Variants in PTAR1 observed in about 807,000 individuals in gnomAD.
PTAR1 encodes protein prenyltransferase alpha subunit repeat containing 1, also known as protein prenyltransferase alpha subunit repeat-containing protein 1.
A neutral mutation model predicts 45.5 loss-of-function variants in PTAR1; 17 were observed. The ratio of observed to expected loss-of-function variants is 0.37; its 90% CI spans 0.26 to 0.56. The LOEUF (loss-of-function observed/expected upper bound fraction) is 0.56. Among genes scored for constraint, PTAR1 ranks in the 20% least tolerant of loss-of-function variants. PTAR1 has a pLI of 0.77. For synonymous variants in PTAR1, 169 were observed against 171.3 expected, an observed-to-expected ratio of 0.99 and a Z score of 0.11; for missense variants, 391 against 476.3, an observed-to-expected ratio of 0.82 and a Z score of 1.67.
At position 69,711,331 on chromosome 9, in the gene PTAR1, A is replaced by T. The variant is rs1824515300; in HGVS notation, c.*7011T>A. ...ATTTGTACTATACACTCTGTTCCTCACAGTTCAGGTAGGAATGTTTATTTG... is the reference window on the plus strand; with the variant it reads ...ATTTGTACTATACACTCTGTTCCTCTCAGTTCAGGTAGGAATGTTTATTTG... On this transcript the variant is annotated 3_prime_UTR_variant, in exon 8 of 8. Coordinates refer to ENST00000340434, the MANE Select transcript of PTAR1 (RefSeq NM_001099666.2). The T allele has an allele frequency of 6.6e-6, 1 of 152,192 alleles. No individual in the cohort carries two copies. The highest frequency in any genetic ancestry group is 6.5e-5 in the Admixed American group (1 of 15,278). 9.4% of individuals were successfully genotyped at this position (152,192 alleles called of 1,614,324 possible). A position where few individuals can be genotyped will look rare whatever the true frequency, so the allele number is the denominator to read the frequency against.
chr9:69,752,773 A>C (rs1391853215), intron 1 of PTAR1, among the ~76,000 whole-genome samples: 1 of 152,080 alleles, frequency 6.6e-6, no homozygotes. Context: ...GACAAAGCTG[A>C]AAGAGCACCT....
intron 2 of PTAR1, among the ~76,000 whole-genome samples, chr9:69,745,210 A>G (rs1564143345): frequency 6.6e-6 from 1 of 152,224 alleles, no homozygotes; most frequent in African/African-American, 2.4e-5. Flanking sequence ...TTCCTTTAGT[A>G]AAACTGTCTA....
rs199749905 is a variant in PTAR1 at position 69,741,938 on chromosome 9, TTCTC to T, written c.257-84_257-81del. The T allele has an allele frequency of 4.4e-3, 3,767 of 852,728 alleles. 99 individuals carry two copies. The African/African-American group carries it at 0.055, about 12-fold the overall frequency. The allele number at this position is 852,728 out of a possible 1,614,324, so 52.8% of individuals were successfully genotyped here. On this transcript the variant is annotated intron_variant, in intron 2 of 7. Coordinates refer to ENST00000340434, the MANE Select transcript of PTAR1 (RefSeq NM_001099666.2). ...GCTTCTCATTCTTTTAAGGTTCTCT[TTCTC>T]TCTATCACATTATACTAATATATCT... is the stretch of plus-strand genomic sequence containing the variant.
At position 69,734,683 on chromosome 9, in the gene PTAR1, A is replaced by G. The variant is rs559586966; in HGVS notation, c.324-429T>C. On this transcript the variant is annotated intron_variant, in intron 3 of 7. Coordinates refer to ENST00000340434, the MANE Select transcript of PTAR1 (RefSeq NM_001099666.2). ...AGGACTTGACATGGTCTATTTCATT[A>G]CAAAACCACACATACAACAAACACA... Among the ~76,000 whole-genome samples the G allele has an allele frequency of 1.2e-4, 18 of 152,312 alleles. No individual in the cohort carries two copies. The South Asian group carries it at 3.7e-3, about 32-fold the overall frequency.
At chr9:69,743,941 GA>G (rs1278500111) in intron 2 of PTAR1, among the ~76,000 whole-genome samples, 1 of 152,128 alleles carries the variant, frequency 6.6e-6, no homozygotes, top group Admixed American at 6.5e-5. Context: ...ATTCTTAGTG[GA>G]ATTATACATG....
chr9:69,759,761 T>A, intron 1 of PTAR1, 92 bp downstream of exon 1: 4 of 1,300,296 alleles, frequency 3.1e-6, no homozygotes, highest in East Asian at 3.1e-5. Flanking sequence ...CAGGACCCGC[T>A]GTCCGCCCGC....
rs1194793446 is a variant in PTAR1, at chr9:69,715,643, T to C, written c.*2699A>G. On this transcript the variant is annotated 3_prime_UTR_variant, in exon 8 of 8. Coordinates refer to ENST00000340434, the MANE Select transcript of PTAR1 (RefSeq NM_001099666.2). ...TCTTTTCCTTTTAACAATTAGATTG[T>C]TATAGAAAAATAAGTGAAGACTAAA... 6.6e-6 allele frequency: 1 copy of C among 152,058 alleles called. No homozygotes were observed. The highest frequency in any genetic ancestry group is 1.5e-5 in the Non-Finnish European group (1 of 67,976). The allele number at this position is 152,058 out of a possible 1,614,324, so 9.4% of individuals were successfully genotyped here. A position where few individuals can be genotyped will look rare whatever the true frequency, so the allele number is the denominator to read the frequency against.
chr9:69,752,119 A>G (rs1460391880), intron 1 of PTAR1, among the ~76,000 whole-genome samples: 2 of 152,124 alleles, frequency 1.3e-5, no homozygotes, highest in African/African-American at 4.8e-5. Flanking sequence ...GAGTGTCTAT[A>G]TAGATATTTT....
chr9:69,721,796 T>G (rs1224874068), intron 6 of PTAR1, among the ~76,000 whole-genome samples: 1 of 152,182 alleles, frequency 6.6e-6, no homozygotes, highest in East Asian at 1.9e-4. Context: ...CAACCTAGTA[T>G]TTTAATTAAG....
At chr9:69,730,567 T>C (rs535038865) in intron 5 of PTAR1, among the ~76,000 whole-genome samples, 37 of 149,952 alleles carry the variant, frequency 2.5e-4, no homozygotes, top group African/African-American at 8.9e-4. Context: ...AAACAACTTG[T>C]AATCATGCCT....
chr9:69,728,288 A>G (rs925936030), intron 5 of PTAR1, among the ~76,000 whole-genome samples: 3 of 152,164 alleles, frequency 2.0e-5, no homozygotes, highest in African/African-American at 7.2e-5. Flanking sequence ...TCTTGGGTAT[A>G]TACCTAGGAG....
rs1235097299 is a variant in PTAR1, at chr9:69,714,886, A to G, written c.*3456T>C. 6.6e-6 allele frequency: 1 copy of G among 152,134 alleles called. No homozygotes were observed. The highest frequency in any genetic ancestry group is 1.5e-5 in the Non-Finnish European group (1 of 68,000). The allele number at this position is 152,134 out of a possible 1,614,324, so 9.4% of individuals were successfully genotyped here. A position where few individuals can be genotyped will look rare whatever the true frequency, so the allele number is the denominator to read the frequency against. On this transcript the variant is annotated 3_prime_UTR_variant, in exon 8 of 8. Coordinates refer to ENST00000340434, the MANE Select transcript of PTAR1 (RefSeq NM_001099666.2). The stretch of plus-strand genomic sequence containing the variant: ...CCTAAGCTTAAAAAATGACTCATAC[A>G]GATTTAAGAAATATCTGAAAGAGTC...
chr9:69,739,552 G>A (rs953983619), intron 3 of PTAR1, among the ~76,000 whole-genome samples: 4 of 151,992 alleles, frequency 2.6e-5, no homozygotes, highest in African/African-American at 4.8e-5. Flanking sequence ...TGAACTAGAC[G>A]TCTATTGCAT....
At chr9:69,757,788 T>C (rs949868949) in intron 1 of PTAR1, 4 of 152,010 alleles carry the variant, frequency 2.6e-5, no homozygotes, top group African/African-American at 7.2e-5. Flanking sequence ...CCTCTTTATT[T>C]TGGGAGTAAA....
chr9:69,721,598 GAGAAATCTT>G (rs1190380448), intron 6 of PTAR1, among the ~76,000 whole-genome samples: 1 of 152,162 alleles, frequency 6.6e-6, no homozygotes, highest in African/African-American at 2.4e-5. Context: ...ACACACTACA[GAGAAATCTT>G]TCATGAAAGG....
chr9:69,742,979 A>G (rs1826109233), intron 2 of PTAR1, among the ~76,000 whole-genome samples: 1 of 152,164 alleles, frequency 6.6e-6, no homozygotes, highest in South Asian at 2.1e-4. Context: ...ACTAAAACTG[A>G]AAAGAATTTT....
intron 5 of PTAR1, chr9:69,731,856 T>C (rs1825553654): frequency 7.1e-6 from 3 of 422,388 alleles, no homozygotes; most frequent in Admixed American, 4.0e-5. Context: ...AATCCCTTCC[T>C]GTTTCAGGAT....
intron 1 of PTAR1, chr9:69,758,731 GAT>G (rs1453782781): frequency 2.6e-6 from 1 of 380,482 alleles, no homozygotes; most frequent in South Asian, 2.0e-5. Context: ...ACTTTGGTAA[GAT>G]ACACGTTTGG....
At chr9:69,759,760 C>G (rs1478074521) in intron 1 of PTAR1, 93 bp downstream of exon 1, 3 of 1,279,376 alleles carry the variant, frequency 2.3e-6, no homozygotes, top group African/African-American at 3.2e-5. Context: ...CCAGGACCCG[C>G]TGTCCGCCCG....
Sources: allele counts gnomAD v4.1 joint callset (sites outside exome capture counted in the v4.1 genomes callset), GRCh38; gene constraint gnomAD v4.1.1; transcripts MANE v1.5; gene names NCBI Gene and HGNC (gene_info 2026-07-23, HGNC 2026-07-21).